The following HIPK2 variants were observed in gnomAD, a reference collection of about 807,000 sequenced individuals.
HIPK2 encodes homeodomain-interacting protein kinase 2.
A neutral mutation model predicts 113.7 loss-of-function variants in HIPK2; 27 were observed. The ratio of observed to expected loss-of-function variants is 0.24; its 90% CI spans 0.17 to 0.33. The LOEUF (loss-of-function observed/expected upper bound fraction) is 0.33. HIPK2 is among the 10% of genes least tolerant of loss of function. HIPK2 has a pLI of 1.00. For missense variants in HIPK2, 1,257 were observed against 1,588.0 expected, an observed-to-expected ratio of 0.79 and a Z score of 3.54; for synonymous variants, 631 against 642.2, an observed-to-expected ratio of 0.98 and a Z score of 0.26.
At chr7:139,742,056 T>C (rs543191165) in intron 1 of HIPK2, among the ~76,000 whole-genome samples, 1 of 152,288 alleles carries the variant, frequency 6.6e-6, no homozygotes, top group Admixed American at 6.5e-5. Flanking sequence ...CAAACACATG[T>C]CAGTATGACC....
chr7:139,705,524 C>A (rs535418396), intron 2 of HIPK2, among the ~76,000 whole-genome samples: 1 of 152,202 alleles, frequency 6.6e-6, no homozygotes, highest in African/African-American at 2.4e-5. Context: ...CTACAGGCAC[C>A]CACCAACACG....
intron 2 of HIPK2, among the ~76,000 whole-genome samples, chr7:139,635,805 G>A (rs1015037748): frequency 6.6e-6 from 1 of 152,154 alleles, no homozygotes; most frequent in Non-Finnish European, 1.5e-5. Context: ...AGCCGACACA[G>A]CACACCACAT....
chr7:139,660,935 C>T (rs547267818), intron 2 of HIPK2, among the ~76,000 whole-genome samples: 22 of 152,076 alleles, frequency 1.4e-4, no homozygotes, highest in Non-Finnish European at 2.1e-4. Flanking sequence ...CCAAAGAACA[C>T]GCACGTGGAT....
chr7:139,632,928 A>G (rs1310312483), intron 2 of HIPK2, among the ~76,000 whole-genome samples: 2 of 151,872 alleles, frequency 1.3e-5, no homozygotes, highest in South Asian at 4.2e-4. Flanking sequence ...AAACAAACAA[A>G]CAAACAAACA....
Position 139,716,858 on chromosome 7 carries a change from CAG to C in HIPK2, c.175_176del (p.Leu59ValfsTer65), listed in dbSNP as rs1569480015. 2 of 1,613,838 alleles carry C rather than the reference CAG, an allele frequency of 1.2e-6. No homozygotes were observed. The highest frequency in any genetic ancestry group is 1.7e-6 in the Non-Finnish European group (2 of 1,179,866). On this transcript the variant is annotated frameshift_variant, in exon 2 of 15. Coordinates refer to ENST00000406875, the MANE Select transcript of HIPK2 (RefSeq NM_022740.5). LOFTEE classifies it high-confidence loss of function. The surrounding 1 kb of genome is among the most constrained non-coding windows in gnomAD (Gnocchi z 9.3). ...TGACGGTTGTGGTGGCTGGCTGCGA[CAG>C]GGGGATGTTCTTGCTCTGGCTATAC... ...KVYSQSKNIP[L>X]SQPATTTVST...
chr7:139,717,142 A>C (rs1432559476), intron 1 of HIPK2, 127 bp from the exon 2 acceptor site: 1 of 1,231,312 alleles, frequency 8.1e-7, no homozygotes, highest in Non-Finnish European at 1.1e-6. Flanking sequence ...CTTGAAAACA[A>C]GGTTGAAAAA....
At chr7:139,585,349 T>G (rs997311252) in intron 12 of HIPK2, among the ~76,000 whole-genome samples, 1 of 152,200 alleles carries the variant, frequency 6.6e-6, no homozygotes, top group African/African-American at 2.4e-5. Flanking sequence ...GCAGAGCCTG[T>G]CTGCTGAGCT....
rs376176381 is a variant in HIPK2 at position 139,630,886 on chromosome 7, G to A, written c.1347+279C>T. 6.6e-5 allele frequency among the ~76,000 whole-genome samples: 10 copies of A among 152,240 alleles called. No homozygotes were observed. Among genetic ancestry groups the A allele is most frequent in the African/African-American group, 2.2e-4 (9 of 41,462 alleles). ...TGCCAGCTCTCAAGGGCAGAGTGGG[G>A]TTCGTTTCTCTCCCTAGCACAAATC... On this transcript the variant is annotated intron_variant, in intron 4 of 14. Transcript: ENST00000406875. This position sits in a 1 kb window ranked among gnomAD's most constrained non-coding sequence, Gnocchi z 4.0.
At chr7:139,585,348 G>A (rs1432167264) in intron 12 of HIPK2, among the ~76,000 whole-genome samples, 2 of 152,250 alleles carry the variant, frequency 1.3e-5, no homozygotes, top group Non-Finnish European at 2.9e-5. Flanking sequence ...AGCAGAGCCT[G>A]TCTGCTGAGC....
chr7:139,649,442 T>G (rs1486527122), intron 2 of HIPK2, among the ~76,000 whole-genome samples: 2 of 152,232 alleles, frequency 1.3e-5, no homozygotes. Context: ...GAAAACACAC[T>G]GGGGCACCTT....
chr7:139,704,101 C>T, intron 2 of HIPK2, among the ~76,000 whole-genome samples: 1 of 126,462 alleles, frequency 7.9e-6, no homozygotes, highest in African/African-American at 3.0e-5. Context: ...CTATACCCAA[C>T]ATACACACCC....
At chr7:139,722,615 A>G (rs1054766036) in intron 1 of HIPK2, among the ~76,000 whole-genome samples, 8 of 152,104 alleles carry the variant, frequency 5.3e-5, no homozygotes, top group Non-Finnish European at 1.2e-4. Context: ...CAGGTTTTAA[A>G]ATCTTGAGTA....
At chr7:139,708,686 AT>A (rs1472324799) in intron 2 of HIPK2, among the ~76,000 whole-genome samples, 1 of 152,152 alleles carries the variant, frequency 6.6e-6, no homozygotes, top group Non-Finnish European at 1.5e-5. Flanking sequence ...ACACTGGGGT[AT>A]TTTCATGTCT....
chr7:139,684,073 A>AT, intron 2 of HIPK2, among the ~76,000 whole-genome samples: 1 of 152,274 alleles, frequency 6.6e-6, no homozygotes, highest in South Asian at 2.1e-4. Flanking sequence ...CATTTTGGTA[A>AT]TTCTCACAAT....
chr7:139,596,936 C>T lies in HIPK2; in HGVS notation c.2498G>A (p.Arg833His), dbSNP rs745902293. Reference protein sequence around the residue: ...QAISSPQRSKRVKENTPPRCA... With the variant: ...QAISSPQRSKHVKENTPPRCA... ...GCGGGGAGGTGTGTTCTCCTTGACA[C>T]GCTTGGATCGCTGTGGGGAGCTGAT... Residue 833 changes from arginine (R) to histidine (H), a missense_variant, in exon 12 of 15, where the codon CGT (arginine) becomes CAT (histidine). Arg to His is a conservative substitution (Grantham distance 29, BLOSUM62 0). This residue lies in a region of HIPK2 where 862 missense variants were observed against 1,004.3 expected (regional missense o/e 0.86). Coordinates refer to ENST00000406875, the MANE Select transcript of HIPK2 (RefSeq NM_022740.5). 9.3e-6 allele frequency: 15 copies of T among 1,611,592 alleles called. No individual in the cohort carries two copies. The highest frequency in any genetic ancestry group is 7.7e-5 in the South Asian group (7 of 91,060).
At chr7:139,738,483 T>C (rs1037497430) in intron 1 of HIPK2, among the ~76,000 whole-genome samples, 23 of 152,388 alleles carry the variant, frequency 1.5e-4, no homozygotes, top group Admixed American at 1.0e-3. Flanking sequence ...AAATAGCTAC[T>C]TGTGGCTAGT....
Position 139,631,372 on chromosome 7 carries a change from G to C in HIPK2, c.1228-88C>G. On this transcript the variant is annotated intron_variant, in intron 3 of 14. Transcript: ENST00000406875. The surrounding 1 kb of genome is among the most constrained non-coding windows in gnomAD (Gnocchi z 4.9). Reference sequence around the variant, plus strand: ...TGGCTCTGCTGGCTTTGAGAAAAATGAAAATGACAATTTTTGTAGGGAAAG... The same window carrying C: ...TGGCTCTGCTGGCTTTGAGAAAAATCAAAATGACAATTTTTGTAGGGAAAG... The C allele has an allele frequency of 6.8e-7, 1 of 1,479,840 alleles. No individual in the cohort carries two copies. The highest frequency in any genetic ancestry group is 9.0e-7 in the Non-Finnish European group (1 of 1,111,092). The allele number at this position is 1,479,840 out of a possible 1,614,324, so 91.7% of individuals were successfully genotyped here.
At chr7:139,684,212 C>T (rs1794149006) in intron 2 of HIPK2, among the ~76,000 whole-genome samples, 1 of 152,180 alleles carries the variant, frequency 6.6e-6, no homozygotes, top group African/African-American at 2.4e-5. Context: ...CTTAATCAAA[C>T]ATGTGGTGTG....
Position 139,716,173 on chromosome 7 carries a change from G to C in HIPK2, c.862C>G (p.Leu288Val). 1 of 1,614,070 alleles carries C rather than the reference G, an allele frequency of 6.2e-7. No homozygotes were observed. Among genetic ancestry groups the C allele is most frequent in the Non-Finnish European group, 8.5e-7 (1 of 1,179,910 alleles). Residue 288 changes from leucine (L) to valine (V), a missense_variant, in exon 2 of 15, where the codon CTG (leucine) becomes GTG (valine). Physicochemically the swap from Leu to Val is conservative, Grantham distance 32 (BLOSUM62 1). Transcript: ENST00000406875. This position sits in a 1 kb window ranked among gnomAD's most constrained non-coding sequence, Gnocchi z 9.3. ...EMLEQNLYDF[L>V]KQNKFSPLPL... Reference sequence around the variant, plus strand: ...AAGGGGCTAAACTTGTTTTGCTTCAGAAAGTCATAGAGGTTCTGCTCCAAC... The same window carrying C: ...AAGGGGCTAAACTTGTTTTGCTTCACAAAGTCATAGAGGTTCTGCTCCAAC...
Sources: allele counts gnomAD v4.1 joint callset (sites outside exome capture counted in the v4.1 genomes callset), GRCh38; gene constraint gnomAD v4.1.1; regional missense constraint gnomAD v4.1.1; non-coding constraint Gnocchi (gnomAD v3.1); transcripts MANE v1.5; gene names NCBI Gene and HGNC (gene_info 2026-07-23, HGNC 2026-07-21).